Variants in PABPC4L observed in about 807,000 individuals in gnomAD.
PABPC4L encodes polyadenylate-binding protein 4-like.
For missense variants in PABPC4L, 452 were observed against 451.4 expected, an observed-to-expected ratio of 1.00 and a Z score of -0.01; for synonymous variants, 169 against 164.1, an observed-to-expected ratio of 1.03 and a Z score of -0.23.
chr4:134,121,003 C>G, the PABPC4L span, among the ~76,000 whole-genome samples: 1 of 150,890 alleles, frequency 6.6e-6, no homozygotes, highest in Admixed American at 6.6e-5. Context: ...TATTTTCATT[C>G]ATTTTTGTCT....
the PABPC4L span, among the ~76,000 whole-genome samples, chr4:134,129,765 A>G: frequency 5.3e-5 from 8 of 152,108 alleles, no homozygotes; most frequent in East Asian, 1.4e-3. Context: ...ATAGGATTAA[A>G]TGCCTACATC....
At chr4:134,011,089 T>C in the PABPC4L span, among the ~76,000 whole-genome samples, 45 of 152,294 alleles carry the variant, frequency 3.0e-4, no homozygotes, top group African/African-American at 1.1e-3. Context: ...AACTTTAAAT[T>C]TTAATGAGTG....
chr4:134,149,991 G>A, the PABPC4L span, among the ~76,000 whole-genome samples: 1 of 151,938 alleles, frequency 6.6e-6, no homozygotes, highest in Non-Finnish European at 1.5e-5. Context: ...ATATTTACCA[G>A]TTCTGCTTGG....
the PABPC4L span, among the ~76,000 whole-genome samples, chr4:134,073,075 G>C: frequency 1.3e-5 from 2 of 151,946 alleles, no homozygotes; most frequent in East Asian, 1.9e-4. Flanking sequence ...AACACAATCT[G>C]GTACTTCCAA....
the PABPC4L span, among the ~76,000 whole-genome samples, chr4:133,986,152 T>C: frequency 6.6e-6 from 1 of 152,134 alleles, no homozygotes; most frequent in South Asian, 2.1e-4. Context: ...ATTAAAACTT[T>C]GGATGTCAAT....
chr4:133,955,326 C>T, the PABPC4L span, among the ~76,000 whole-genome samples: 26 of 151,730 alleles, frequency 1.7e-4, no homozygotes, highest in African/African-American at 4.8e-4. Flanking sequence ...ATTATATGCA[C>T]TAAAGTCAAT....
chr4:134,146,542 G>A, the PABPC4L span, among the ~76,000 whole-genome samples: 1 of 152,046 alleles, frequency 6.6e-6, no homozygotes, highest in African/African-American at 2.4e-5. Context: ...GCAAGCAGGA[G>A]TGTTACAGAT....
the PABPC4L span, among the ~76,000 whole-genome samples, chr4:134,005,994 G>A: frequency 1.3e-5 from 2 of 151,874 alleles, no homozygotes; most frequent in African/African-American, 4.8e-5. Flanking sequence ...AAATTTCAAT[G>A]CAGACATGAT....
At chr4:134,136,935 C>A in the PABPC4L span, among the ~76,000 whole-genome samples, 2 of 151,976 alleles carry the variant, frequency 1.3e-5, 1 homozygote, top group East Asian at 3.9e-4. Context: ...TCCCTTAGAA[C>A]GGATGATGAG....
At chr4:134,201,360 G>A (rs1223522710) in intron 1 of PABPC4L, 115 bp from the exon 2 acceptor site, 2 of 1,151,196 alleles carry the variant, frequency 1.7e-6, no homozygotes, top group Non-Finnish European at 2.2e-6. Flanking sequence ...CAGACGCCCT[G>A]GTCGCTGGTT....
the PABPC4L span, among the ~76,000 whole-genome samples, chr4:134,088,186 C>T: frequency 6.6e-6 from 1 of 152,054 alleles, no homozygotes; most frequent in Non-Finnish European, 1.5e-5. Flanking sequence ...CTGGGGTTTA[C>T]TCCTTAGAGC....
chr4:134,058,192 G>GA, the PABPC4L span, among the ~76,000 whole-genome samples: 5 of 151,168 alleles, frequency 3.3e-5, no homozygotes, highest in East Asian at 9.6e-4. Context: ...AAAGTATTTG[G>GA]AAAAAAGGAA....
the PABPC4L span, among the ~76,000 whole-genome samples, chr4:134,132,440 T>C: frequency 6.6e-6 from 1 of 151,492 alleles, no homozygotes; most frequent in Non-Finnish European, 1.5e-5. Context: ...GATGAACAAA[T>C]GGCAAATAAA....
the PABPC4L span, among the ~76,000 whole-genome samples, chr4:133,958,576 C>A: frequency 6.6e-6 from 1 of 152,130 alleles, no homozygotes; most frequent in Non-Finnish European, 1.5e-5. Flanking sequence ...GAAGAAATAC[C>A]CAAGACTGGG....
the PABPC4L span, among the ~76,000 whole-genome samples, chr4:133,977,226 A>G: frequency 1.3e-5 from 2 of 151,602 alleles, no homozygotes; most frequent in East Asian, 3.9e-4. Flanking sequence ...ATCGTTGGAG[A>G]TGTGTGGTTT....
the PABPC4L span, among the ~76,000 whole-genome samples, chr4:134,168,985 A>T: frequency 6.6e-6 from 1 of 152,068 alleles, no homozygotes; most frequent in Non-Finnish European, 1.5e-5. Flanking sequence ...CAAAGATAAA[A>T]CAGCAGCAAC....
chr4:133,997,380 G>A, the PABPC4L span, among the ~76,000 whole-genome samples: 103 of 152,064 alleles, frequency 6.8e-4, 1 homozygote, highest in African/African-American at 2.3e-3. Flanking sequence ...AATGCACCTG[G>A]TCACCTAATG....
chr4:134,183,928 G>GTC, the PABPC4L span, among the ~76,000 whole-genome samples: 1 of 151,354 alleles, frequency 6.6e-6, no homozygotes, highest in African/African-American at 2.4e-5. Context: ...GTGCGTGTGT[G>GTC]TGTGTGTGTG....
chr4:134,111,346 A>G, the PABPC4L span, among the ~76,000 whole-genome samples: 7 of 152,054 alleles, frequency 4.6e-5, 1 homozygote, highest in Non-Finnish European at 2.9e-5. Context: ...TTTCAAATGA[A>G]TTTTGGAGAG....
Sources: gnomAD v4.1 joint callset for allele counts (sites outside exome capture counted in the v4.1 genomes callset) on GRCh38, gnomAD v4.1.1 for gene constraint, MANE v1.5 for transcripts, NCBI Gene and HGNC (gene_info 2026-07-23, HGNC 2026-07-21) for gene names.